The following CPT1A variants were observed in gnomAD, a reference collection of about 807,000 sequenced individuals.
CPT1A encodes the protein carnitine palmitoyltransferase 1A.
In CPT1A, 64 loss-of-function variants were observed where a neutral mutation model predicts 100.8. That is an observed-to-expected ratio of 0.63 (90% CI 0.52 to 0.78). The LOEUF is 0.78. Ranked by LOEUF, CPT1A falls within the 30% of genes least tolerant of loss-of-function variation. The pLI is 0.00. For synonymous variants in CPT1A, 363 were observed against 396.0 expected (o/e 0.92, Z 0.99); for missense variants, 802 against 1,034.1 (o/e 0.78, Z 3.08).
At chr11:68,805,072 C>G (rs1856004500) in intron 4 of CPT1A, among the ~76,000 whole-genome samples, 1 of 152,196 alleles carries the variant, frequency 6.6e-6, no homozygotes, top group African/African-American at 2.4e-5. Flanking sequence ...GGGAGCCACC[C>G]CTGAGTCTCT....
intron 1 of CPT1A, among the ~76,000 whole-genome samples, chr11:68,815,940 G>A (rs1454647368): frequency 6.8e-6 from 1 of 146,100 alleles, no homozygotes; most frequent in South Asian, 2.2e-4. Flanking sequence ...CCCAACCCTG[G>A]CCCTGGACAT....
rs761421908 is a variant in CPT1A at position 68,775,303 on chromosome 11, A to T, written c.1575+13T>A. On this transcript the variant is annotated intron_variant, in intron 13 of 18. Transcript: ENST00000265641. ...CCCAGGTAAGTAACAATGGTTGGAT[A>T]ATCCGGACTTACTTCCCCCGGGATG... The T allele has an allele frequency of 3.1e-6, 5 of 1,589,950 alleles. No individual in the cohort carries two copies. In the South Asian group the frequency reaches 5.5e-5, roughly 18 times the overall value.
chr11:68,812,652 A>C (rs1252198875), intron 2 of CPT1A, 76 bp from the exon 3 acceptor site: 1 of 1,573,718 alleles, frequency 6.4e-7, no homozygotes, highest in Non-Finnish European at 8.7e-7. Flanking sequence ...GGCCCCTGGC[A>C]GCAGGGCTGC....
At chr11:68,804,874 C>T (rs1856001433) in intron 4 of CPT1A, among the ~76,000 whole-genome samples, 1 of 152,246 alleles carries the variant, frequency 6.6e-6, no homozygotes, top group Non-Finnish European at 1.5e-5. Flanking sequence ...AAGGACACAT[C>T]TGTGGCCCTT....
At chr11:68,777,912 A>C (rs1396195330) in intron 12 of CPT1A, among the ~76,000 whole-genome samples, 2 of 152,178 alleles carry the variant, frequency 1.3e-5, no homozygotes, top group African/African-American at 4.8e-5. Flanking sequence ...GTCCAGAGAC[A>C]CTGAAGGCAG....
chr11:68,801,888 G>C (rs758772341), intron 5 of CPT1A, among the ~76,000 whole-genome samples: 25 of 152,264 alleles, frequency 1.6e-4, no homozygotes, highest in Non-Finnish European at 3.1e-4. Flanking sequence ...TCCACTCCTG[G>C]ATACGTCCCC....
chr11:68,844,263 G>C (rs568589156), upstream of CPT1A: 2 of 152,246 alleles, frequency 1.3e-5, no homozygotes, highest in African/African-American at 4.8e-5. Flanking sequence ...TCTCCTGCCC[G>C]GGTCTGCGGC....
chr11:68,759,708 G>T, intron 17 of CPT1A, 47 bp from the exon 18 acceptor site: 2 of 1,339,430 alleles, frequency 1.5e-6, no homozygotes, highest in Non-Finnish European at 2.2e-6. Context: ...ATGAGACAAC[G>T]TGAAAAAGGG....
chr11:68,794,900 A>G lies in CPT1A; in HGVS notation c.783T>C (p.Tyr261=), dbSNP rs1189381456. Residue 261 remains tyrosine (Y), a synonymous_variant, in exon 8 of 19, where the codon TAT becomes TAC. Coordinates refer to ENST00000265641, the MANE Select transcript of CPT1A (RefSeq NM_001876.4). ...NSNYYAMDLL[Y]ILPTHIQAAR... is the part of the protein sequence containing the mutation. ...CTGCCTGAATGTGAGTTGGAAGGAT[A>G]TACAGCAGATCCTGAAAAGCGACAA... 1.2e-6 allele frequency: 2 copies of G among 1,614,128 alleles called. No individual in the cohort carries two copies. Among genetic ancestry groups the G allele is most frequent in the Admixed American group, 1.7e-5 (1 of 60,026 alleles).
chr11:68,825,578 G>C lies in CPT1A; in HGVS notation c.-13-10091C>G, dbSNP rs576777486. 2.6e-5 allele frequency among the ~76,000 whole-genome samples: 4 copies of C among 152,266 alleles called. No individual in the cohort carries two copies. In the East Asian group the frequency reaches 7.7e-4, roughly 29 times the overall value. On this transcript the variant is annotated intron_variant, in intron 1 of 18. Transcript: ENST00000265641. ...GGAAATACCTGAACAGTCACCACCT[G>C]CTTGCCCAACCCAACAGGATTTTTA... is the stretch of plus-strand genomic sequence containing the variant.
Position 68,804,024 on chromosome 11 carries a change from C to T in CPT1A, c.531G>A (p.Pro177=), listed in dbSNP as rs747441052. The T allele has an allele frequency of 5.0e-6, 8 of 1,613,844 alleles. No homozygotes were observed. Among genetic ancestry groups the T allele is most frequent in the Middle Eastern group, 1.6e-4 (1 of 6,084 alleles). The part of the protein sequence containing the change: ...FQTSLPRLPV[P]AVKDTVNRYL... ...CCCTGTTCACAGTGTCTTTGACAGCCGGGACCGGCAGGCGAGGCAGCGATG... is the reference window on the plus strand; with the variant it reads ...CCCTGTTCACAGTGTCTTTGACAGCTGGGACCGGCAGGCGAGGCAGCGATG... Residue 177 remains proline (P), a synonymous_variant, in exon 5 of 19, where the codon CCG becomes CCA. Coordinates refer to ENST00000265641, the MANE Select transcript of CPT1A (RefSeq NM_001876.4).
intron 3 of CPT1A, among the ~76,000 whole-genome samples, chr11:68,810,584 G>T (rs947737478): frequency 6.6e-6 from 1 of 152,120 alleles, no homozygotes; most frequent in African/African-American, 2.4e-5. Flanking sequence ...GATGTGGAGG[G>T]GTCCTCTGCA....
intron 1 of CPT1A, among the ~76,000 whole-genome samples, chr11:68,828,376 G>T (rs1856789341): frequency 6.7e-6 from 1 of 149,902 alleles, no homozygotes; most frequent in African/African-American, 2.4e-5. Flanking sequence ...TGGGCCACCT[G>T]TCCGCTACAG....
At chr11:68,815,642 G>A in intron 1 of CPT1A, 155 bp from the exon 2 acceptor site, 1 of 719,522 alleles carries the variant, frequency 1.4e-6, no homozygotes, top group South Asian at 1.7e-5. Flanking sequence ...CATCACCACA[G>A]CTGGCACCCC....
Position 68,837,270 on chromosome 11 carries a change from G to T in CPT1A, c.-14+4505C>A, listed in dbSNP as rs372596719. ...TCACTGTGTTGGCCAGGCTGGTCTC[G>T]ATCTCCTGACCTCATGTTCCGCCCA... On this transcript the variant is annotated intron_variant, in intron 1 of 18. Transcript: ENST00000265641. Among the ~76,000 whole-genome samples the T allele has an allele frequency of 4.1e-4, 63 of 152,238 alleles. No individual in the cohort carries two copies. The South Asian group carries it at 0.01, about 25-fold the overall frequency.
At chr11:68,825,051 G>T (rs184503151) in intron 1 of CPT1A, among the ~76,000 whole-genome samples, 2 of 152,092 alleles carry the variant, frequency 1.3e-5, no homozygotes, top group East Asian at 3.9e-4. Flanking sequence ...TGCCCAACTC[G>T]GCCTCCCAAA....
chr11:68,825,408 A>T (rs1397580194), intron 1 of CPT1A, among the ~76,000 whole-genome samples: 1 of 152,104 alleles, frequency 6.6e-6, no homozygotes, highest in East Asian at 1.9e-4. Flanking sequence ...CACCCAATAC[A>T]ACAGGGCTGG....
rs902199150 is a variant in CPT1A at position 68,756,170 on chromosome 11, C to T, written c.*1474G>A. ...TCCGGCAAGCACCTTCCATCGACTC[C>T]AACAGTTCAGCCATCGCTGTTGTAC... On this transcript the variant is annotated 3_prime_UTR_variant, in exon 19 of 19. Transcript: ENST00000265641. 4 of 150,688 alleles carry T rather than the reference C, an allele frequency of 2.7e-5. No homozygotes were observed. Among genetic ancestry groups the T allele is most frequent in the African/African-American group, 9.8e-5 (4 of 40,970 alleles). 9.3% of individuals were successfully genotyped at this position (150,688 alleles called of 1,614,324 possible). A position where few individuals can be genotyped will look rare whatever the true frequency, so the allele number is the denominator to read the frequency against.
At chr11:68,829,862 T>C (rs1856835987) in intron 1 of CPT1A, among the ~76,000 whole-genome samples, 1 of 151,832 alleles carries the variant, frequency 6.6e-6, no homozygotes, top group Admixed American at 6.6e-5. Context: ...TCGTCTGGCA[T>C]TGTCATGGGG....
Sources: allele counts gnomAD v4.1 joint callset (sites outside exome capture counted in the v4.1 genomes callset), GRCh38; gene constraint gnomAD v4.1.1; transcripts MANE v1.5; gene names NCBI Gene and HGNC (gene_info 2026-07-23, HGNC 2026-07-21).